Variants in PPP1R13B observed in about 807,000 individuals in gnomAD.
The protein encoded by PPP1R13B is protein phosphatase 1 regulatory subunit 13B, also known as apoptosis-stimulating of p53 protein 1.
In PPP1R13B, 44 loss-of-function variants were observed where a neutral mutation model predicts 119.8. The ratio of observed to expected loss-of-function variants is 0.37; its 90% CI spans 0.29 to 0.47. The LOEUF (loss-of-function observed/expected upper bound fraction) is 0.47. PPP1R13B is among the 20% of genes least tolerant of loss of function. PPP1R13B has a pLI of 0.99. For missense variants in PPP1R13B, 1,227 were observed against 1,413.5 expected (o/e 0.87, Z 2.12); for synonymous variants, 542 against 561.5 (o/e 0.97, Z 0.49).
At chr14:103,791,096 T>C (rs1306006363) in intron 2 of PPP1R13B, among the ~76,000 whole-genome samples, 3 of 150,396 alleles carry the variant, frequency 2.0e-5, no homozygotes, top group Middle Eastern at 3.4e-3. Context: ...AGAAATATAA[T>C]GCACATTATG....
Position 103,733,253 on chromosome 14 carries a change from TGG to T in PPP1R13B, c.*1899_*1900del, listed in dbSNP as rs112502838. ...AATTTGTGTATTGTCAATACTTAAT[TGG>T]GGGTGGGAGAGACTGAGCTACACTA... is the stretch of plus-strand genomic sequence containing the variant. On this transcript the variant is annotated 3_prime_UTR_variant, in exon 17 of 17. Transcript: ENST00000202556. The T allele has an allele frequency of 1.8e-6, 1 of 549,258 alleles. No homozygotes were observed. The highest frequency in any genetic ancestry group is 3.2e-6 in the Non-Finnish European group (1 of 311,458). 34.0% of individuals were successfully genotyped at this position (549,258 alleles called of 1,614,324 possible).
chr14:103,816,084 A>G (rs2086272691), intron 1 of PPP1R13B, among the ~76,000 whole-genome samples: 1 of 152,094 alleles, frequency 6.6e-6, no homozygotes, highest in African/African-American at 2.4e-5. Flanking sequence ...ACTCCATCTC[A>G]AAACAAACAA....
Position 103,734,496 on chromosome 14 carries a change from G to T in PPP1R13B, c.*658C>A. ...TCCCAGTTGTCACTTGGTCTTAGGGGTCCTGGTGCCCGTGGCGCGGCAGTC... is the reference window on the plus strand; with the variant it reads ...TCCCAGTTGTCACTTGGTCTTAGGGTTCCTGGTGCCCGTGGCGCGGCAGTC... On this transcript the variant is annotated 3_prime_UTR_variant, in exon 17 of 17. Coordinates refer to ENST00000202556, the MANE Select transcript of PPP1R13B (RefSeq NM_015316.3). The T allele has an allele frequency of 2.2e-6, 1 of 456,284 alleles. No individual in the cohort carries two copies. Among genetic ancestry groups the T allele is most frequent in the Non-Finnish European group, 4.4e-6 (1 of 226,780 alleles). The allele number at this position is 456,284 out of a possible 1,614,324, so 28.3% of individuals were successfully genotyped here.
rs548580455 is a variant in PPP1R13B, at chr14:103,811,923, G to A, written c.10-14405C>T. Among the ~76,000 whole-genome samples the A allele has an allele frequency of 1.8e-3, 269 of 148,396 alleles. 1 individual carries two copies. Among genetic ancestry groups the A allele is most frequent in the Non-Finnish European group, 3.4e-3 (231 of 66,970 alleles). The stretch of plus-strand genomic sequence containing the variant: ...TACAAAAACAGCATTAGCCGGGTGT[G>A]GTGGTGGGCGCCTATAGTCCCAGCT... On this transcript the variant is annotated intron_variant, in intron 1 of 16. Transcript: ENST00000202556.
At chr14:103,790,411 T>C (rs1283574517) in intron 2 of PPP1R13B, among the ~76,000 whole-genome samples, 1 of 152,116 alleles carries the variant, frequency 6.6e-6, no homozygotes, top group African/African-American at 2.4e-5. Flanking sequence ...AATGTGGTAA[T>C]ATTAGGAGGT....
Position 103,740,450 on chromosome 14 carries a change from C to T in PPP1R13B, c.1966G>A (p.Ala656Thr), listed in dbSNP as rs201114467. Residue 656 changes from alanine to threonine, a missense_variant, in exon 12 of 17, where the codon GCC becomes ACC. Physicochemically the swap from Ala to Thr is moderately conservative, Grantham distance 58. Transcript: ENST00000202556. The surrounding 1 kb of genome is among the most constrained non-coding windows in gnomAD (Gnocchi z 4.6). ...TCCACGGTGCTGCCATCTGCGGGGG[C>T]GGCGGGGCCATCCTGCTCAGGCTCT... ...EKEPEQDGPA[A>T]PADGSTVESL... 15 of 1,607,190 alleles carry T rather than the reference C, an allele frequency of 9.3e-6. No homozygotes were observed. The highest frequency in any genetic ancestry group is 2.2e-5 in the East Asian group (1 of 44,712).
At chr14:103,800,290 C>T (rs2085867326) in intron 1 of PPP1R13B, among the ~76,000 whole-genome samples, 1 of 152,284 alleles carries the variant, frequency 6.6e-6, no homozygotes, top group East Asian at 1.9e-4. Context: ...TGCACTCTAG[C>T]CTGGGCAACA....
At chr14:103,777,273 G>A (rs1307824787) in intron 4 of PPP1R13B, among the ~76,000 whole-genome samples, 1 of 152,120 alleles carries the variant, frequency 6.6e-6, no homozygotes, top group Non-Finnish European at 1.5e-5. Flanking sequence ...GATTACAGGT[G>A]TGAGCCACCA....
chr14:103,810,943 T>A (rs1467832928), intron 1 of PPP1R13B, among the ~76,000 whole-genome samples: 1 of 134,862 alleles, frequency 7.4e-6, no homozygotes, highest in Non-Finnish European at 1.6e-5. Flanking sequence ...AAAAAAAAAA[T>A]TAGCCGGGCA....
chr14:103,832,054 C>T (rs2086675167), intron 1 of PPP1R13B, among the ~76,000 whole-genome samples: 1 of 151,336 alleles, frequency 6.6e-6, no homozygotes, highest in Admixed American at 6.6e-5. Context: ...CAGGACTTTA[C>T]AGTAAGTCTG....
At chr14:103,745,844 CTT>C (rs1414183582) in intron 9 of PPP1R13B, among the ~76,000 whole-genome samples, 2 of 152,166 alleles carry the variant, frequency 1.3e-5, no homozygotes, top group African/African-American at 2.4e-5. Flanking sequence ...AAGTTTCACT[CTT>C]GTTGCCCAGG....
chr14:103,752,774 C>G (rs1363586991), intron 7 of PPP1R13B, among the ~76,000 whole-genome samples: 1 of 152,188 alleles, frequency 6.6e-6, no homozygotes, highest in Non-Finnish European at 1.5e-5. Flanking sequence ...ATCTTGTGAT[C>G]TGCCCGCCTC....
At chr14:103,819,020 G>A (rs1442285320) in intron 1 of PPP1R13B, among the ~76,000 whole-genome samples, 2 of 152,172 alleles carry the variant, frequency 1.3e-5, no homozygotes, top group Admixed American at 1.3e-4. Context: ...AAGCCTCACT[G>A]AAGGAGGAGA....
intron 2 of PPP1R13B, 90 bp downstream of exon 2, chr14:103,797,281 C>A: frequency 7.4e-7 from 1 of 1,347,290 alleles, no homozygotes; most frequent in Non-Finnish European, 1.0e-6. Context: ...CCATCTTTAT[C>A]AGAAAAAAAG....
intron 2 of PPP1R13B, among the ~76,000 whole-genome samples, chr14:103,796,854 G>A (rs894693349): frequency 6.6e-6 from 1 of 152,152 alleles, no homozygotes; most frequent in Non-Finnish European, 1.5e-5. Context: ...GCTACTGGGA[G>A]GCGGAGGCAC....
intron 2 of PPP1R13B, among the ~76,000 whole-genome samples, chr14:103,796,348 A>C (rs534950815): frequency 7.9e-5 from 12 of 152,248 alleles, no homozygotes; most frequent in Non-Finnish European, 1.5e-4. Flanking sequence ...AAGATATAAA[A>C]ATGGCCAATA....
At position 103,786,592 on chromosome 14, in the gene PPP1R13B, C is replaced by T. The variant is rs866157640; in HGVS notation, c.158-1678G>A. Among the ~76,000 whole-genome samples the T allele has an allele frequency of 6.5e-4, 99 of 151,840 alleles. 1 individual carries two copies. In the Middle Eastern group the frequency reaches 0.017, roughly 26 times the overall value. ...CCAGCCTGGCCAACTTGGTGAAACCCTGTCTCTACTAAAAATACAAAAATT... is the reference window on the plus strand; with the variant it reads ...CCAGCCTGGCCAACTTGGTGAAACCTTGTCTCTACTAAAAATACAAAAATT... On this transcript the variant is annotated intron_variant, in intron 2 of 16. Transcript: ENST00000202556.
At chr14:103,837,888 GCAGA>G (rs1465810853) in intron 1 of PPP1R13B, among the ~76,000 whole-genome samples, 1 of 152,110 alleles carries the variant, frequency 6.6e-6, no homozygotes, top group African/African-American at 2.4e-5. Context: ...GGAGGCCAAG[GCAGA>G]CAGATCACCT....
At chr14:103,774,861 G>C (rs943139561) in intron 4 of PPP1R13B, among the ~76,000 whole-genome samples, 4 of 152,180 alleles carry the variant, frequency 2.6e-5, no homozygotes, top group Admixed American at 6.5e-5. Context: ...TTAAAAGGTA[G>C]ATGTGTAAGC....
Sources: gnomAD v4.1 joint callset for allele counts (sites outside exome capture counted in the v4.1 genomes callset) on GRCh38, gnomAD v4.1.1 for gene constraint, Gnocchi (gnomAD v3.1) non-coding constraint, MANE v1.5 for transcripts, NCBI Gene and HGNC (gene_info 2026-07-23, HGNC 2026-07-21) for gene names.